The following KDM4C variants were observed in gnomAD, a reference collection of about 807,000 sequenced individuals.
The protein encoded by KDM4C is lysine-specific demethylase 4C.
A neutral mutation model predicts 129.3 loss-of-function variants in KDM4C; 81 were observed. The ratio of observed to expected loss-of-function variants is 0.63; its 90% CI spans 0.52 to 0.75. The LOEUF is 0.75. Ranked by LOEUF, KDM4C falls within the 30% of genes least tolerant of loss-of-function variation. The pLI is 0.00. For missense variants in KDM4C, 1,457 were observed against 1,304.0 expected (o/e 1.12, Z -1.81); for synonymous variants, 573 against 456.1 (o/e 1.26, Z -3.26).
At chr9:6,939,531 G>C (rs1252699905) in intron 8 of KDM4C, among the ~76,000 whole-genome samples, 1 of 152,120 alleles carries the variant, frequency 6.6e-6, no homozygotes, top group Non-Finnish European at 1.5e-5. Context: ...TCAGTCCCTG[G>C]TGCCAGAAAG....
chr9:7,057,771 A>G (rs1831063008), intron 17 of KDM4C, among the ~76,000 whole-genome samples: 1 of 152,224 alleles, frequency 6.6e-6, no homozygotes, highest in East Asian at 1.9e-4. Flanking sequence ...GGAGCAGGGC[A>G]TAGAAGGGCT....
chr9:7,145,446 C>T (rs1842132845), intron 19 of KDM4C, among the ~76,000 whole-genome samples: 1 of 152,106 alleles, frequency 6.6e-6, no homozygotes, highest in Admixed American at 6.5e-5. Flanking sequence ...GGCGCACTCC[C>T]CTCTCACCTC....
At position 6,734,868 on chromosome 9, in the gene KDM4C, G is replaced by A. The variant is rs190271956; in HGVS notation, c.49+13871G>A. 30 of 540,734 alleles carry A rather than the reference G, an allele frequency of 5.5e-5. No homozygotes were observed. The East Asian group carries it at 1.4e-3, about 25-fold the overall frequency. 33.5% of individuals were successfully genotyped at this position (540,734 alleles called of 1,614,324 possible). A position where few individuals can be genotyped will look rare whatever the true frequency, so the allele number is the denominator to read the frequency against. ...TTCTTACACAAATGTTTTGTTTCTT[G>A]CACCAATAAGAGACTTCACAATGGA... is the stretch of plus-strand genomic sequence containing the variant. On this transcript the variant is annotated intron_variant, in intron 1 of 17. Coordinates refer to the KDM4C transcript ENST00000536108.
intron 2 of KDM4C, among the ~76,000 whole-genome samples, chr9:6,795,643 T>TA (rs1343021551): frequency 6.6e-6 from 1 of 152,088 alleles, no homozygotes; most frequent in African/African-American, 2.4e-5. Flanking sequence ...TGTATCTTGT[T>TA]AAAGTTCATG....
At position 6,986,644 on chromosome 9, in the gene KDM4C, G is replaced by C; in HGVS notation, c.1655G>C (p.Arg552Thr). 1 of 1,608,552 alleles carries C rather than the reference G, an allele frequency of 6.2e-7. No individual in the cohort carries two copies. Among genetic ancestry groups the C allele is most frequent in the South Asian group, 1.1e-5 (1 of 90,842 alleles). ...GEIPAVPSGE[R>T]NSFKVPSIAE... ...ATCCCAGCGGTCCCCAGTGGAGAGA[G>C]AAATAGCTTCAAAGTCCCCAGTGTA... is the stretch of plus-strand genomic sequence containing the variant. The change falls in exon 11 of 22, where the codon AGA (arginine) becomes ACA (threonine). Residue 552 changes from arginine to threonine, a missense_variant. Physicochemically the swap from Arg to Thr is moderately conservative, Grantham distance 71 (BLOSUM62 -1). Coordinates refer to ENST00000381309, the MANE Select transcript of KDM4C (RefSeq NM_015061.6).
intron 15 of KDM4C, among the ~76,000 whole-genome samples, chr9:7,016,750 C>G (rs997113249): frequency 1.3e-5 from 2 of 152,090 alleles, no homozygotes; most frequent in Non-Finnish European, 2.9e-5. Flanking sequence ...TGGTGGCAGT[C>G]CTCTACTTAG....
chr9:6,860,865 A>C (rs1840802211), intron 5 of KDM4C, among the ~76,000 whole-genome samples: 1 of 152,226 alleles, frequency 6.6e-6, no homozygotes, highest in South Asian at 2.1e-4. Context: ...CTCCTTGCTT[A>C]AAATCTTATG....
At chr9:6,987,137 C>G (rs1047157305) in intron 11 of KDM4C, among the ~76,000 whole-genome samples, 1 of 152,088 alleles carries the variant, frequency 6.6e-6, no homozygotes. Context: ...CACTTTCTGC[C>G]AATAGTTAAT....
intron 18 of KDM4C, among the ~76,000 whole-genome samples, chr9:7,109,702 A>G (rs1838099917): frequency 6.6e-6 from 1 of 152,120 alleles, no homozygotes; most frequent in Non-Finnish European, 1.5e-5. Context: ...TTATGAGCCC[A>G]TTGCGTACCA....
upstream of KDM4C, chr9:6,757,605 C>G: frequency 1.0e-6 from 1 of 984,270 alleles, no homozygotes; most frequent in Non-Finnish European, 1.2e-6. Context: ...GGCTCCACCC[C>G]GGTAACGCCA....
At chr9:7,011,251 T>C (rs1213404384) in intron 12 of KDM4C, among the ~76,000 whole-genome samples, 1 of 152,218 alleles carries the variant, frequency 6.6e-6, no homozygotes, top group African/African-American at 2.4e-5. Flanking sequence ...AGTTAAACTT[T>C]TATTGAGCCA....
In KDM4C at chr9:7,165,356, A is replaced by T. The variant is rs1320243437; in HGVS notation, c.2900A>T (p.Gln967Leu). The T allele has an allele frequency of 6.2e-7, 1 of 1,613,892 alleles. No homozygotes were observed. The part of the protein sequence containing the change: ...YFGSNIAHMY[Q>L]VEFEDGSQIA... ...GGATCAAATATTGCCCACATGTACC[A>T]GGTGGGTTCTTCCTTCTCTGTGATG... is the stretch of plus-strand genomic sequence containing the variant. The change falls in exon 20 of 22, where the codon CAG (glutamine) becomes CTG (leucine). Residue 967 changes from glutamine (Q) to leucine (L), a missense_variant and splice_region_variant. Coordinates refer to ENST00000381309, the MANE Select transcript of KDM4C (RefSeq NM_015061.6).
At chr9:7,108,862 A>G (rs1159859131) in intron 18 of KDM4C, among the ~76,000 whole-genome samples, 1 of 152,208 alleles carries the variant, frequency 6.6e-6, no homozygotes, top group Non-Finnish European at 1.5e-5. Context: ...ATTGTATAGC[A>G]TATTATTCTT....
At chr9:6,798,285 G>C (rs1034729782) in intron 2 of KDM4C, among the ~76,000 whole-genome samples, 12 of 148,690 alleles carry the variant, frequency 8.1e-5, no homozygotes, top group African/African-American at 3.0e-4. Context: ...ATCATTCTTG[G>C]ATGTTTCTCG....
chr9:7,014,543 T>G (rs1367452915), intron 14 of KDM4C, among the ~76,000 whole-genome samples: 1 of 152,146 alleles, frequency 6.6e-6, no homozygotes, highest in African/African-American at 2.4e-5. Flanking sequence ...TTTATTATTT[T>G]TAACAATTGG....
In KDM4C at chr9:6,957,036, C is replaced by A. The variant is rs148386822; in HGVS notation, c.922-23889C>A. Among the ~76,000 whole-genome samples, 100 of 152,248 alleles carry A rather than the reference C, an allele frequency of 6.6e-4. 1 individual carries two copies. The East Asian group carries it at 0.017, about 27-fold the overall frequency. ...ACATTTGGTTACGATGGACAAGGGACCAGCTGGCTTTGCTGACCCACTTCA... is the reference window on the plus strand; with the variant it reads ...ACATTTGGTTACGATGGACAAGGGAACAGCTGGCTTTGCTGACCCACTTCA... On this transcript the variant is annotated intron_variant, in intron 8 of 21. Transcript: ENST00000381309.
chr9:6,780,210 T>G (rs1824013157), intron 1 of KDM4C, among the ~76,000 whole-genome samples: 1 of 152,160 alleles, frequency 6.6e-6, no homozygotes, highest in Non-Finnish European at 1.5e-5. Flanking sequence ...TGTGTAAGTA[T>G]GAGATATAAT....
intron 5 of KDM4C, among the ~76,000 whole-genome samples, chr9:6,865,164 A>G (rs1313941249): frequency 1.3e-5 from 2 of 151,814 alleles, no homozygotes; most frequent in Non-Finnish European, 2.9e-5. Context: ...GCCCGCCACC[A>G]CACCTGGCTA....
At chr9:7,156,815 A>G (rs1843223380) in intron 19 of KDM4C, among the ~76,000 whole-genome samples, 1 of 152,224 alleles carries the variant, frequency 6.6e-6, no homozygotes, top group Non-Finnish European at 1.5e-5. Flanking sequence ...CTTTTGGCTT[A>G]GGATTGTCTT....
Sources: allele counts gnomAD v4.1 joint callset (sites outside exome capture counted in the v4.1 genomes callset), GRCh38; gene constraint gnomAD v4.1.1; transcripts MANE v1.5; gene names NCBI Gene and HGNC (gene_info 2026-07-23, HGNC 2026-07-21).